The following CAPN13 variants were observed in gnomAD, a reference collection of about 807,000 sequenced individuals.
CAPN13 encodes the protein calpain-13.
CAPN13 carries 90 observed loss-of-function variants against 98.4 expected under a neutral mutation model. The ratio of observed to expected loss-of-function variants is 0.92; its 90% CI spans 0.77 to 1.09. CAPN13 has a LOEUF of 1.09. CAPN13 is among the 50% of genes least tolerant of loss of function. The pLI is 0.00. For synonymous variants in CAPN13, 330 were observed against 305.5 expected, an observed-to-expected ratio of 1.08 and a Z score of -0.84; for missense variants, 887 against 841.3, an observed-to-expected ratio of 1.05 and a Z score of -0.67.
At chr2:30,797,524 T>G (rs537974774) in intron 1 of CAPN13, among the ~76,000 whole-genome samples, 1 of 152,314 alleles carries the variant, frequency 6.6e-6, no homozygotes, top group Non-Finnish European at 1.5e-5. Context: ...ACCAGCCTCG[T>G]AGCAGCAGAC....
chr2:30,799,531 G>A (rs1054638448), intron 1 of CAPN13, among the ~76,000 whole-genome samples: 2 of 152,202 alleles, frequency 1.3e-5, no homozygotes, highest in African/African-American at 4.8e-5. Context: ...TGAAACAGAA[G>A]AAGTTTAGGC....
intron 4 of CAPN13, among the ~76,000 whole-genome samples, 174 bp from the exon 5 acceptor site, chr2:30,770,623 G>A (rs538017672): frequency 4.6e-5 from 7 of 152,174 alleles, no homozygotes; most frequent in African/African-American, 1.2e-4. Context: ...CATCTCAACC[G>A]GCAGATGGAG....
intron 14 of CAPN13, 124 bp downstream of exon 14, chr2:30,742,202 C>T: frequency 8.0e-7 from 1 of 1,244,012 alleles, no homozygotes. Flanking sequence ...CCTTCATCGG[C>T]CTATCATGGT....
chr2:30,734,558 A>G, intron 18 of CAPN13, 34 bp from the exon 19 acceptor site: 1 of 1,541,984 alleles, frequency 6.5e-7, no homozygotes, highest in African/African-American at 1.4e-5. Flanking sequence ...AGTCTGTGTG[A>G]AGACTGGGAA....
chr2:30,806,797 A>T (rs1463371691), intron 1 of CAPN13, among the ~76,000 whole-genome samples: 1 of 152,216 alleles, frequency 6.6e-6, no homozygotes, highest in Non-Finnish European at 1.5e-5. Flanking sequence ...TTTGTGATTA[A>T]CCCAGAGTTG....
intron 4 of CAPN13, among the ~76,000 whole-genome samples, chr2:30,772,786 A>G (rs539520448): frequency 3.8e-4 from 58 of 152,206 alleles, no homozygotes; most frequent in African/African-American, 1.4e-3. Flanking sequence ...GCAGGTGTAC[A>G]TATAGATTTC....
chr2:30,750,992 C>G, intron 11 of CAPN13, 111 bp downstream of exon 11: 3 of 1,258,248 alleles, frequency 2.4e-6, no homozygotes, highest in Non-Finnish European at 3.3e-6. Context: ...TGGGCTTTAT[C>G]TCCAAGGCTG....
At chr2:30,796,611 T>A (rs549107987) in intron 1 of CAPN13, among the ~76,000 whole-genome samples, 1 of 152,132 alleles carries the variant, frequency 6.6e-6, no homozygotes, top group African/African-American at 2.4e-5. Context: ...ACCAAGCAGA[T>A]AGCAGAATCA....
At position 30,800,944 on chromosome 2, in the gene CAPN13, A is replaced by T. The variant is rs143049480; in HGVS notation, c.-33+6358T>A. Among the ~76,000 whole-genome samples, 31 of 152,296 alleles carry T rather than the reference A, an allele frequency of 2.0e-4. No individual in the cohort carries two copies. In the East Asian group the frequency reaches 5.4e-3, roughly 27 times the overall value. On this transcript the variant is annotated intron_variant, in intron 1 of 22. Coordinates refer to ENST00000295055, the MANE Select transcript of CAPN13 (RefSeq NM_144575.3). The stretch of plus-strand genomic sequence containing the variant: ...TGTGTAATATTTAATCTGTGCTCAG[A>T]TTTCCCAGCATGGTTTTTTTCTTTT...
intron 2 of CAPN13, among the ~76,000 whole-genome samples, chr2:30,782,857 A>G (rs1239517685): frequency 6.6e-6 from 1 of 152,252 alleles, no homozygotes; most frequent in Admixed American, 6.5e-5. Flanking sequence ...ACTGTCCAAT[A>G]TGGTAGCCAC....
intron 18 of CAPN13, among the ~76,000 whole-genome samples, chr2:30,735,747 G>A (rs1671329933): frequency 6.6e-6 from 1 of 152,192 alleles, no homozygotes; most frequent in African/African-American, 2.4e-5. Flanking sequence ...AACATGTTAT[G>A]AAAATATTTA....
intron 22 of CAPN13, among the ~76,000 whole-genome samples, chr2:30,727,380 C>A (rs1428135309): frequency 1.3e-5 from 2 of 152,130 alleles, no homozygotes; most frequent in African/African-American, 2.4e-5. Context: ...CAAAGACAAC[C>A]TGCAGAAGGG....
At chr2:30,740,358 G>T (rs186403259) in intron 15 of CAPN13, among the ~76,000 whole-genome samples, 1 of 152,218 alleles carries the variant, frequency 6.6e-6, no homozygotes, top group Admixed American at 6.5e-5. Context: ...CTGCCAAAGT[G>T]CTGGGATGAC....
chr2:30,763,653 G>A (rs1672957190), intron 6 of CAPN13, among the ~76,000 whole-genome samples: 1 of 152,244 alleles, frequency 6.6e-6, no homozygotes, highest in South Asian at 2.1e-4. Context: ...ATAATTTGGA[G>A]GGTCACCCAA....
At chr2:30,801,590 G>C (rs1332899486) in intron 1 of CAPN13, among the ~76,000 whole-genome samples, 7 of 143,806 alleles carry the variant, frequency 4.9e-5, no homozygotes, top group African/African-American at 1.8e-4. Context: ...GGGTGATAGA[G>C]GGAGACTCAG....
intron 1 of CAPN13, among the ~76,000 whole-genome samples, chr2:30,788,538 A>G (rs1441452694): frequency 6.6e-6 from 1 of 152,188 alleles, no homozygotes; most frequent in East Asian, 1.9e-4. Flanking sequence ...AGGGCTTTTC[A>G]AGCTTCTTTG....
chr2:30,800,930 T>C (rs1018898526), intron 1 of CAPN13, among the ~76,000 whole-genome samples: 2 of 152,240 alleles, frequency 1.3e-5, no homozygotes, highest in African/African-American at 2.4e-5. Context: ...GTGTAATATT[T>C]AATCTGTGCT....
At chr2:30,757,172 G>A (rs886442385) in intron 8 of CAPN13, among the ~76,000 whole-genome samples, 19 of 152,210 alleles carry the variant, frequency 1.2e-4, no homozygotes, top group Non-Finnish European at 1.6e-4. Flanking sequence ...GCTGTGTCAC[G>A]ACATTTTTCA....
At chr2:30,774,092 AC>A (rs1673550357) in intron 4 of CAPN13, among the ~76,000 whole-genome samples, 2 of 152,000 alleles carry the variant, frequency 1.3e-5, no homozygotes, top group Non-Finnish European at 2.9e-5. Flanking sequence ...TAAAGAAACA[AC>A]CCCTATATGA....
Sources: gnomAD v4.1 joint callset for allele counts (sites outside exome capture counted in the v4.1 genomes callset) on GRCh38, gnomAD v4.1.1 for gene constraint, MANE v1.5 for transcripts, NCBI Gene and HGNC (gene_info 2026-07-23, HGNC 2026-07-21) for gene names.